Variants in RUNX1 observed in about 807,000 individuals in gnomAD.
The protein encoded by RUNX1 is runt-related transcription factor 1.
Under a neutral mutation model 42.8 loss-of-function variants are expected in RUNX1, and 19 were observed. The ratio of observed to expected loss-of-function variants is 0.44; its 90% confidence interval spans 0.31 to 0.65. The LOEUF (loss-of-function observed/expected upper bound fraction) is 0.65. Ranked by LOEUF, RUNX1 falls within the 30% of genes least tolerant of loss-of-function variation. The pLI, the probability that RUNX1 is intolerant of heterozygous loss-of-function variation, is 0.07. For synonymous variants in RUNX1, 271 were observed against 289.4 expected (o/e 0.94, Z 0.64); for missense variants, 528 against 672.0 (o/e 0.79, Z 2.37).
At position 34,880,569 on chromosome 21, in the gene RUNX1, G is replaced by T. The variant is rs759068561; in HGVS notation, c.496C>A (p.Arg166=). Residue 166 remains arginine (R), a synonymous_variant, in exon 5 of 9, where the codon CGA becomes AGA. Coordinates refer to ENST00000675419, the MANE Select transcript of RUNX1 (RefSeq NM_001754.5). The stretch of plus-strand genomic sequence containing the variant: ...ACAGATAACGTACCTCTTCCACTTC[G>T]ACCGACAAACCTGAGGTCATTAAAT... ...ARFNDLRFVG[R]SGRGKSFTLT... 2 of 1,613,890 alleles carry T rather than the reference G, an allele frequency of 1.2e-6. No homozygotes were observed. The highest frequency in any genetic ancestry group is 4.5e-5 in the East Asian group (2 of 44,868).
chr21:35,009,301 TA>T (rs1012429534), intron 2 of RUNX1, among the ~76,000 whole-genome samples: 4 of 152,212 alleles, frequency 2.6e-5, no homozygotes, highest in African/African-American at 9.7e-5. Context: ...TATATGATTT[TA>T]AAGACTGAAA....
chr21:34,906,670 G>C (rs2058222431), intron 2 of RUNX1, among the ~76,000 whole-genome samples: 1 of 152,146 alleles, frequency 6.6e-6, no homozygotes, highest in Non-Finnish European at 1.5e-5. Flanking sequence ...AAAAAAGGCT[G>C]TTCTTCATAG....
intron 2 of RUNX1, among the ~76,000 whole-genome samples, chr21:35,028,196 G>T (rs1288795802): frequency 6.6e-6 from 1 of 152,114 alleles, no homozygotes; most frequent in Non-Finnish European, 1.5e-5. Context: ...GTATGGCTGG[G>T]ACTACAGGGC....
intron 2 of RUNX1, among the ~76,000 whole-genome samples, chr21:34,957,843 G>A (rs929025049): frequency 3.9e-5 from 6 of 152,176 alleles, no homozygotes; most frequent in African/African-American, 1.4e-4. Context: ...TCCGGCTATC[G>A]GCACATGTAG....
chr21:35,002,382 T>TTTTATTTA (rs149613285), intron 2 of RUNX1, among the ~76,000 whole-genome samples: 23 of 141,030 alleles, frequency 1.6e-4, no homozygotes, highest in Admixed American at 4.3e-4. Context: ...ACACAGCACA[T>TTTTATTTA]TTTATTTATT....
Position 34,828,506 on chromosome 21 carries a change from A to G in RUNX1, c.805+5904T>C, listed in dbSNP as rs569141585. The stretch of plus-strand genomic sequence containing the variant: ...GCTGGAAAGAGTTAAGACTTTGGGG[A>G]CCACTGGGATGGAATAAATGTATTT... On this transcript the variant is annotated intron_variant, in intron 7 of 8. Transcript: ENST00000675419. Among the ~76,000 whole-genome samples the G allele has an allele frequency of 1.8e-4, 28 of 152,286 alleles. No individual in the cohort carries two copies. In the South Asian group the frequency reaches 5.8e-3, roughly 32 times the overall value.
chr21:34,851,442 G>A (rs1490969474), intron 6 of RUNX1, among the ~76,000 whole-genome samples: 4 of 152,232 alleles, frequency 2.6e-5, no homozygotes, highest in Non-Finnish European at 4.4e-5. Flanking sequence ...AGAGGAAAAT[G>A]AAGACGAAAG....
intron 5 of RUNX1, among the ~76,000 whole-genome samples, chr21:34,862,004 T>C (rs1469242527): frequency 1.3e-5 from 2 of 151,376 alleles, no homozygotes; most frequent in Non-Finnish European, 2.9e-5. Context: ...GAAGGGGCTT[T>C]AGGAGAGAGG....
intron 6 of RUNX1, among the ~76,000 whole-genome samples, chr21:34,848,625 G>A (rs559994126): frequency 2.3e-4 from 35 of 152,270 alleles, no homozygotes; most frequent in African/African-American, 8.2e-4. Flanking sequence ...AGTAGAGACG[G>A]GGTTTCACCA....
chr21:34,969,843 AAAGAC>A (rs533536823), intron 2 of RUNX1, among the ~76,000 whole-genome samples: 11 of 152,306 alleles, frequency 7.2e-5, no homozygotes, highest in African/African-American at 2.6e-4. Flanking sequence ...GAACTGAAAG[AAAGAC>A]AAAAGACTGG....
chr21:35,038,798 T>C, intron 2 of RUNX1: 1 of 454,718 alleles, frequency 2.2e-6, no homozygotes, highest in South Asian at 1.6e-5. Flanking sequence ...TTCCCAGGGC[T>C]CCTTCCAGAG....
chr21:34,862,917 T>C (rs1281302322), intron 5 of RUNX1, among the ~76,000 whole-genome samples: 1 of 152,222 alleles, frequency 6.6e-6, no homozygotes, highest in Non-Finnish European at 1.5e-5. Context: ...CTTGCTCCGA[T>C]AGTGGCTCTC....
chr21:34,982,547 C>T (rs1041717852), intron 2 of RUNX1, among the ~76,000 whole-genome samples: 1 of 151,900 alleles, frequency 6.6e-6, no homozygotes, highest in East Asian at 1.9e-4. Context: ...TTAATGATTG[C>T]GATACTATTA....
At chr21:35,005,943 C>T (rs757454709) in intron 2 of RUNX1, among the ~76,000 whole-genome samples, 1 of 152,196 alleles carries the variant, frequency 6.6e-6, no homozygotes, top group Non-Finnish European at 1.5e-5. Flanking sequence ...ACGTCCACTC[C>T]AGCTGGAATG....
intron 2 of RUNX1, among the ~76,000 whole-genome samples, chr21:34,920,269 C>T (rs1206370525): frequency 1.3e-5 from 2 of 152,184 alleles, no homozygotes; most frequent in South Asian, 2.1e-4. Context: ...TATTCCACAA[C>T]CAAGGTCTTT....
intron 2 of RUNX1, among the ~76,000 whole-genome samples, chr21:35,004,956 G>A (rs2059073348): frequency 6.6e-6 from 1 of 152,096 alleles, no homozygotes; most frequent in Non-Finnish European, 1.5e-5. Flanking sequence ...CCTAAGACAT[G>A]GTTAAAATTC....
Position 34,791,981 on chromosome 21 carries a change from A to G in RUNX1, c.*154T>C, listed in dbSNP as rs567253436. Reference sequence around the variant, plus strand: ...GCAGGAGGCTGCGCGGGCCTGACCTACAGCGAGATCCTGGCCGTCGGGCGC... The same window carrying G: ...GCAGGAGGCTGCGCGGGCCTGACCTGCAGCGAGATCCTGGCCGTCGGGCGC... On this transcript the variant is annotated 3_prime_UTR_variant, in exon 9 of 9. Coordinates refer to ENST00000675419, the MANE Select transcript of RUNX1 (RefSeq NM_001754.5). The G allele has an allele frequency of 1.1e-5, 5 of 457,614 alleles. No homozygotes were observed. The highest frequency in any genetic ancestry group is 1.9e-5 in the Non-Finnish European group (5 of 257,778). The allele number at this position is 457,614 out of a possible 1,614,324, so 28.3% of individuals were successfully genotyped here. A position where few individuals can be genotyped will look rare whatever the true frequency, so the allele number is the denominator to read the frequency against.
At chr21:34,995,529 T>G (rs1235634263) in intron 2 of RUNX1, among the ~76,000 whole-genome samples, 1 of 146,642 alleles carries the variant, frequency 6.8e-6, no homozygotes, top group African/African-American at 2.5e-5. Context: ...CAGCCTTGAC[T>G]TCCTGGGCAT....
At chr21:34,896,117 G>C (rs2058128020) in intron 2 of RUNX1, among the ~76,000 whole-genome samples, 1 of 152,100 alleles carries the variant, frequency 6.6e-6, no homozygotes, top group African/African-American at 2.4e-5. Context: ...TGGATGCCCA[G>C]AACAGAATAG....
Sources: gnomAD v4.1 joint callset for allele counts (sites outside exome capture counted in the v4.1 genomes callset) on GRCh38, gnomAD v4.1.1 for gene constraint, MANE v1.5 for transcripts, NCBI Gene and HGNC (gene_info 2026-07-23, HGNC 2026-07-21) for gene names.